The following CYYR1 variants were observed in gnomAD, a reference collection of about 807,000 sequenced individuals.
The protein encoded by CYYR1 is cysteine and tyrosine-rich protein 1.
A neutral mutation model predicts 15.2 loss-of-function variants in CYYR1; 14 were observed. The observed-to-expected ratio is 0.92, with a 90% CI of 0.61 to 1.44. The LOEUF is 1.44. Ranked by LOEUF, CYYR1 falls within the 40% of genes most tolerant of loss-of-function variation. The probability of loss-of-function intolerance (pLI) is 0.00; values close to 1 mark genes in which losing one functional copy is unlikely to be tolerated. For synonymous variants in CYYR1, 80 were observed against 77.4 expected, an observed-to-expected ratio of 1.03 and a Z score of -0.18; for missense variants, 228 against 209.5, an observed-to-expected ratio of 1.09 and a Z score of -0.54.
intron 2 of CYYR1, among the ~76,000 whole-genome samples, chr21:26,556,505 T>C (rs915093623): frequency 5.3e-5 from 8 of 152,118 alleles, no homozygotes; most frequent in Admixed American, 2.0e-4. Context: ...GACTGGGTAA[T>C]TTATAAAGAA....
At chr21:26,556,362 C>A (rs1569175431) in intron 2 of CYYR1, among the ~76,000 whole-genome samples, 1 of 152,106 alleles carries the variant, frequency 6.6e-6, no homozygotes, top group Non-Finnish European at 1.5e-5. Flanking sequence ...AGTGAGTTGG[C>A]AGACTAGCTT....
intron 3 of CYYR1, among the ~76,000 whole-genome samples, chr21:26,473,731 AG>A (rs1011034682): frequency 1.3e-5 from 2 of 152,126 alleles, no homozygotes; most frequent in African/African-American, 4.8e-5. Context: ...GAGAAGGCTG[AG>A]GGGATTTTTG....
intron 2 of CYYR1, among the ~76,000 whole-genome samples, chr21:26,559,200 T>C (rs539584055): frequency 3.3e-5 from 5 of 152,322 alleles, no homozygotes; most frequent in East Asian, 1.9e-4. Flanking sequence ...TGGTTTGTCC[T>C]GCTTTAGTTA....
intron 2 of CYYR1, among the ~76,000 whole-genome samples, chr21:26,490,158 C>T (rs571560403): frequency 1.2e-4 from 18 of 151,936 alleles, no homozygotes; most frequent in East Asian, 3.9e-4. Context: ...AAAAATTAGC[C>T]GGTGTGTGAC....
At chr21:26,556,367 T>C (rs1468338447) in intron 2 of CYYR1, among the ~76,000 whole-genome samples, 2 of 152,150 alleles carry the variant, frequency 1.3e-5, no homozygotes, top group Non-Finnish European at 2.9e-5. Context: ...GTTGGCAGAC[T>C]AGCTTCTCGT....
intron 2 of CYYR1, among the ~76,000 whole-genome samples, chr21:26,520,031 C>G (rs1008039588): frequency 6.7e-6 from 1 of 149,634 alleles, no homozygotes; most frequent in Admixed American, 6.7e-5. Flanking sequence ...ATATATACAC[C>G]ATGGAATACT....
intron 2 of CYYR1, among the ~76,000 whole-genome samples, chr21:26,557,017 G>A (rs992666100): frequency 6.6e-6 from 1 of 152,138 alleles, no homozygotes; most frequent in Non-Finnish European, 1.5e-5. Flanking sequence ...AGGAGTAGCA[G>A]AAACAGGCCA....
At chr21:26,564,523 T>G in intron 2 of CYYR1, 1 of 306,180 alleles carries the variant, frequency 3.3e-6, no homozygotes, top group Non-Finnish European at 4.8e-6. Flanking sequence ...TAACCAGCGG[T>G]GAGATTAAAG....
chr21:26,480,459 A>G (rs1403131547), intron 2 of CYYR1, 30 bp from the exon 3 acceptor site: 2 of 1,590,118 alleles, frequency 1.3e-6, no homozygotes, highest in Non-Finnish European at 1.7e-6. Context: ...AGTTTACTCA[A>G]AAGACTTGTA....
chr21:26,476,004 G>A (rs545798352), intron 3 of CYYR1, among the ~76,000 whole-genome samples: 1 of 152,222 alleles, frequency 6.6e-6, no homozygotes, highest in African/African-American at 2.4e-5. Flanking sequence ...GTTTTCTTTA[G>A]TATGAACATG....
At chr21:26,531,853 G>C (rs767761589) in intron 2 of CYYR1, among the ~76,000 whole-genome samples, 23 of 152,124 alleles carry the variant, frequency 1.5e-4, no homozygotes, top group Non-Finnish European at 2.6e-4. Context: ...ACAGAGGTGT[G>C]AATGTGGAAA....
chr21:26,482,309 T>C, intron 2 of CYYR1: 7 of 981,924 alleles, frequency 7.1e-6, no homozygotes, highest in Non-Finnish European at 8.5e-6. Flanking sequence ...TTTTTCCATA[T>C]ACATATTGAT....
intron 2 of CYYR1, among the ~76,000 whole-genome samples, chr21:26,538,802 T>C (rs542553969): frequency 4.3e-4 from 66 of 152,336 alleles, no homozygotes; most frequent in African/African-American, 1.5e-3. Flanking sequence ...TTTGGTGTCA[T>C]GGCAGCCTGG....
intron 2 of CYYR1, among the ~76,000 whole-genome samples, chr21:26,520,708 C>G (rs2065793020): frequency 6.6e-6 from 1 of 152,198 alleles, no homozygotes. Context: ...AGTGTAAAAG[C>G]TTTCCTATTT....
At chr21:26,523,794 C>T (rs924158829) in intron 2 of CYYR1, among the ~76,000 whole-genome samples, 1 of 152,152 alleles carries the variant, frequency 6.6e-6, no homozygotes, top group Non-Finnish European at 1.5e-5. Context: ...CACCATCTTG[C>T]CTTCAGTACA....
intron 2 of CYYR1, among the ~76,000 whole-genome samples, chr21:26,549,444 C>T (rs932805666): frequency 8.5e-5 from 13 of 152,144 alleles, no homozygotes; most frequent in African/African-American, 1.4e-4. Context: ...CACACCTCAT[C>T]GGACTGTACA....
rs147419522 is a variant in CYYR1 at position 26,498,079 on chromosome 21, A to G, written c.177-17650T>C. On this transcript the variant is annotated intron_variant, in intron 2 of 3. Transcript: ENST00000652641. ...CTAAGTTCTTGAAAAAGAGTGAGGAACACATCTCTTCATATATTCACTTAC... is the reference window on the plus strand; with the variant it reads ...CTAAGTTCTTGAAAAAGAGTGAGGAGCACATCTCTTCATATATTCACTTAC... Among the ~76,000 whole-genome samples the G allele has an allele frequency of 2.7e-3, 404 of 152,264 alleles. 1 individual carries two copies. Among genetic ancestry groups the G allele is most frequent in the African/African-American group, 9.3e-3 (385 of 41,542 alleles).
chr21:26,567,192 T>C (rs1032896099), intron 1 of CYYR1, among the ~76,000 whole-genome samples: 1 of 152,210 alleles, frequency 6.6e-6, no homozygotes, highest in Non-Finnish European at 1.5e-5. Flanking sequence ...ACCTGTATAA[T>C]TACAGTTTGC....
chr21:26,504,253 A>G (rs2123486981), intron 2 of CYYR1, among the ~76,000 whole-genome samples: 1 of 119,130 alleles, frequency 8.4e-6, no homozygotes, highest in South Asian at 2.8e-4. Flanking sequence ...TTTATTTTTG[A>G]ATCAGAGTCT....
Sources: allele counts gnomAD v4.1 joint callset (sites outside exome capture counted in the v4.1 genomes callset), GRCh38; gene constraint gnomAD v4.1.1; transcripts MANE v1.5; gene names NCBI Gene and HGNC (gene_info 2026-07-23, HGNC 2026-07-21).